HGS: variants seen among roughly 807,000 people sequenced by gnomAD.
HGS encodes the protein human growth factor-regulated tyrosine kinase substrate.
Under a neutral mutation model 109.7 loss-of-function variants are expected in HGS, and 63 were observed. That is an observed-to-expected ratio of 0.57 (90% CI 0.47 to 0.71). HGS has a LOEUF of 0.71. HGS is among the 30% of genes least tolerant of loss of function. The pLI is 0.00. For missense variants in HGS, 995 were observed against 1,068.3 expected, an observed-to-expected ratio of 0.93 and a Z score of 0.96; for synonymous variants, 546 against 437.3, an observed-to-expected ratio of 1.25 and a Z score of -3.10.
Position 81,701,032 on chromosome 17 carries a change from C to T in HGS, c.2137-13C>T, listed in dbSNP as rs759221006. On this transcript the variant is annotated splice_polypyrimidine_tract_variant and intron_variant, in intron 20 of 21. Transcript: ENST00000329138. ...AGGGCTACTCTCTCACATCTGACGT[C>T]TTCTCACAACAGAATCTCATGACCA... 2.7e-5 allele frequency: 43 copies of T among 1,611,550 alleles called. No individual in the cohort carries two copies. In the Middle Eastern group the frequency reaches 6.6e-4, roughly 25 times the overall value.
intron 14 of HGS, 68 bp downstream of exon 14, chr17:81,695,291 G>GT: frequency 4.6e-6 from 7 of 1,529,014 alleles, no homozygotes; most frequent in Non-Finnish European, 6.3e-6. Flanking sequence ...CCAGGCACAT[G>GT]GCACAGGTGC....
Position 81,700,729 on chromosome 17 carries a change from C to A in HGS, c.2051C>A (p.Ala684Asp). 1.2e-6 allele frequency: 2 copies of A among 1,612,440 alleles called. No homozygotes were observed. Among genetic ancestry groups the A allele is most frequent in the Non-Finnish European group, 1.7e-6 (2 of 1,179,794 alleles). ...VASQAPQSLP[A>D]ISQPPQSSTM... ...TCCCAGGCCCCACAGAGCCTCCCGG[C>A]CATCTCTCAGCCTCCGCAGTCCAGC... The change falls in exon 20 of 22, where the codon GCC becomes GAC. Residue 684 changes from alanine (A) to aspartate (D), a missense_variant. Transcript: ENST00000329138.
Position 81,693,656 on chromosome 17 carries a change from GC to G in HGS, c.750del (p.Lys251ArgfsTer30), listed in dbSNP as rs1568215963. 2 of 1,548,044 alleles carry G rather than the reference GC, an allele frequency of 1.3e-6. No individual in the cohort carries two copies. The highest frequency in any genetic ancestry group is 1.7e-6 in the Non-Finnish European group (2 of 1,143,892). ...TSPLSQQSQL[P>X]PKRDETALQE... ...TCACCCTCCCCGCTTGTCCTCAGCTGCCCCCCAAGAGGGACGAGACGGCCCT... is the reference window on the plus strand; with the variant it reads ...TCACCCTCCCCGCTTGTCCTCAGCTGCCCCCAAGAGGGACGAGACGGCCCT... On this transcript the variant is annotated frameshift_variant, in exon 10 of 22. Transcript: ENST00000329138. LOFTEE classifies it high-confidence loss of function.
In HGS at chr17:81,688,686, C is replaced by A; in HGVS notation, c.292-18C>A. 3 of 1,613,062 alleles carry A rather than the reference C, an allele frequency of 1.9e-6. No homozygotes were observed. The highest frequency in any genetic ancestry group is 2.5e-6 in the Non-Finnish European group (3 of 1,179,586). On this transcript the variant is annotated intron_variant, in intron 4 of 21. Transcript: ENST00000329138. Reference sequence around the variant, plus strand: ...CTGGAGTGTCCTGCGACCCTCACCCCCTTCTCCCTGCCTGCAGAGACAAGT... The same window carrying A: ...CTGGAGTGTCCTGCGACCCTCACCCACTTCTCCCTGCCTGCAGAGACAAGT...
rs1240623398 is a variant in HGS at position 81,684,085 on chromosome 17, A to G, written c.19A>G (p.Thr7Ala). Residue 7 changes from threonine (T) to alanine (A), a missense_variant, in exon 1 of 22, where the codon ACC becomes GCC. Thr to Ala is a moderately conservative substitution (Grantham distance 58). Coordinates refer to ENST00000329138, the MANE Select transcript of HGS (RefSeq NM_004712.5). ...GGTCGCCATGGGGCGAGGCAGCGGC[A>G]CCTTCGAGCGTCTCCTAGGTAACGC... Reference protein sequence around the residue: MGRGSGTFERLLDKATS... With the variant: MGRGSGAFERLLDKATS... The G allele has an allele frequency of 6.3e-7, 1 of 1,593,170 alleles. No homozygotes were observed. Among genetic ancestry groups the G allele is most frequent in the Non-Finnish European group, 8.5e-7 (1 of 1,172,146 alleles).
In HGS at chr17:81,701,523, G is replaced by A. The variant is rs867053056; in HGVS notation, c.2239G>A (p.Gly747Ser). ...PMYQQMAPSG[G>S]PPQQQPPVAQ... ...TCCTGCACAGATGGCACCCTCTGGC[G>A]GTCCCCCCCAGCAGCAGCCCCCCGT... The change falls in exon 22 of 22, where the codon GGT becomes AGT. Residue 747 changes from glycine (G) to serine (S), a missense_variant. By Grantham distance (56) the Gly-to-Ser change is moderately conservative (BLOSUM62 0). This residue lies in a region of HGS where 326 missense variants were observed against 309.7 expected (regional missense o/e 1.05). Transcript: ENST00000329138. 16 of 1,559,790 alleles carry A rather than the reference G, an allele frequency of 1.0e-5. No homozygotes were observed. The highest frequency in any genetic ancestry group is 4.1e-5 in the African/African-American group (3 of 73,742).
Position 81,696,387 on chromosome 17 carries a change from C to T in HGS, c.1424C>T (p.Ala475Val), listed in dbSNP as rs745627969. 1 of 1,589,010 alleles carries T rather than the reference C, an allele frequency of 6.3e-7. No individual in the cohort carries two copies. The highest frequency in any genetic ancestry group is 8.5e-7 in the Non-Finnish European group (1 of 1,170,196). ...LYYEGLQDKL[A>V]QIRDARGALS... ...TATGAGGGGCTGCAGGACAAGCTGG[C>T]ACAGATCCGCGATGCCCGGGGGGCG... The change falls in exon 16 of 22, where the codon GCA becomes GTA. Residue 475 changes from alanine to valine, a missense_variant. Coordinates refer to ENST00000329138, the MANE Select transcript of HGS (RefSeq NM_004712.5).
At chr17:81,684,802 T>C (rs1002393038) in intron 1 of HGS, 2 of 666,032 alleles carry the variant, frequency 3.0e-6, no homozygotes, top group Non-Finnish European at 1.9e-6. Flanking sequence ...GCTTGCCTTT[T>C]TGTCAAGTAG....
In HGS at chr17:81,691,232, C is replaced by T. The variant is rs938765218; in HGVS notation, c.538-215C>T. On this transcript the variant is annotated intron_variant, in intron 7 of 21. Transcript: ENST00000329138. The surrounding 1 kb of genome is among the most constrained non-coding windows in gnomAD (Gnocchi z 5.3). Reference sequence around the variant, plus strand: ...TTCCTTGCCCTTACTTTTAACTTACCTTATTTTCCCCAAAACGGTGGCTGG... The same window carrying T: ...TTCCTTGCCCTTACTTTTAACTTACTTTATTTTCCCCAAAACGGTGGCTGG... The T allele has an allele frequency of 1.7e-5, 10 of 575,564 alleles. No individual in the cohort carries two copies. Among genetic ancestry groups the T allele is most frequent in the Admixed American group, 1.5e-4 (5 of 33,182 alleles). 35.7% of individuals were successfully genotyped at this position (575,564 alleles called of 1,614,324 possible). A position where few individuals can be genotyped will look rare whatever the true frequency, so the allele number is the denominator to read the frequency against.
At chr17:81,695,431 C>T (rs890890556) in intron 14 of HGS, among the ~76,000 whole-genome samples, 1 of 152,262 alleles carries the variant, frequency 6.6e-6, no homozygotes, top group African/African-American at 2.4e-5. Context: ...GAGCTCGGGC[C>T]ACTCTCTGTG....
intron 18 of HGS, chr17:81,697,645 A>G (rs536512754): frequency 6.6e-6 from 1 of 152,238 alleles, no homozygotes; most frequent in South Asian, 2.1e-4. Flanking sequence ...GAGGCCTTCC[A>G]AATACCCTGG....
chr17:81,696,295 C>T lies in HGS; in HGVS notation c.1394-62C>T, dbSNP rs1407308521. ...GGGCGGCCCATCTGCGTGTCCGTTC[C>T]ACCCAGGAGCTTCTCGGCACTGTGC... On this transcript the variant is annotated intron_variant, in intron 15 of 21. Transcript: ENST00000329138. The T allele has an allele frequency of 2.7e-6, 4 of 1,465,140 alleles. No homozygotes were observed. In the Admixed American group the frequency reaches 8.2e-5, roughly 30 times the overall value. 90.8% of individuals were successfully genotyped at this position (1,465,140 alleles called of 1,614,324 possible). A position where few individuals can be genotyped will look rare whatever the true frequency, so the allele number is the denominator to read the frequency against.
intron 11 of HGS, 87 bp downstream of exon 11, chr17:81,694,052 TTGG>T: frequency 8.3e-7 from 1 of 1,204,360 alleles, no homozygotes; most frequent in Non-Finnish European, 1.1e-6. Flanking sequence ...TTTAGTCAGG[TTGG>T]TGGGGGATGC....
chr17:81,700,545 CCA>C lies in HGS; in HGVS notation c.1963_1964del (p.Thr655ArgfsTer185). On this transcript the variant is annotated frameshift_variant, in exon 19 of 22. Coordinates refer to ENST00000329138, the MANE Select transcript of HGS (RefSeq NM_004712.5). LOFTEE classifies it high-confidence loss of function. ...GCGGCCCCCCAGGCCCAGGCCGGAC[CCA>C]CCGCCAGCCCCGCTTACTCATCCTA... The C allele has an allele frequency of 1.2e-6, 2 of 1,610,866 alleles. No individual in the cohort carries two copies. Among genetic ancestry groups the C allele is most frequent in the Non-Finnish European group, 1.7e-6 (2 of 1,178,558 alleles).
In HGS at chr17:81,691,626, T is replaced by A; in HGVS notation, c.662+55T>A. On this transcript the variant is annotated intron_variant, in intron 8 of 21. Coordinates refer to ENST00000329138, the MANE Select transcript of HGS (RefSeq NM_004712.5). The surrounding 1 kb of genome is among the most constrained non-coding windows in gnomAD (Gnocchi z 5.3). ...GGTGGGGCAGGCTCTCCAGGCTGGG[T>A]TTTCTGTCCCTCTTGGCCATGGTGC... 2 of 1,609,434 alleles carry A rather than the reference T, an allele frequency of 1.2e-6. No homozygotes were observed. Among genetic ancestry groups the A allele is most frequent in the South Asian group, 1.1e-5 (1 of 90,938 alleles).
chr17:81,698,429 T>C (rs2037187066), intron 18 of HGS: 1 of 152,326 alleles, frequency 6.6e-6, no homozygotes, highest in South Asian at 2.1e-4. Flanking sequence ...CCAGCCCCGT[T>C]ACTTTGATGC....
At position 81,688,770 on chromosome 17, in the gene HGS, C is replaced by T. The variant is rs1257800831; in HGVS notation, c.358C>T (p.Arg120Trp). Residue 120 changes from arginine to tryptophan, a missense_variant, in exon 5 of 22, where the codon CGG becomes TGG. Arg to Trp is a moderately radical substitution (Grantham distance 101). Coordinates refer to ENST00000329138, the MANE Select transcript of HGS (RefSeq NM_004712.5). ...GATCCAGGCCTGGGCGCATGCCTTCCGGAACGAGCCCAAGTACAAGGTGGT... is the reference window on the plus strand; with the variant it reads ...GATCCAGGCCTGGGCGCATGCCTTCTGGAACGAGCCCAAGTACAAGGTGGT... ...YLIQAWAHAFRNEPKYKVVQD... is the reference protein window; with the variant it reads ...YLIQAWAHAFWNEPKYKVVQD... 3 of 1,614,100 alleles carry T rather than the reference C, an allele frequency of 1.9e-6. No individual in the cohort carries two copies. The highest frequency in any genetic ancestry group is 2.2e-5 in the East Asian group (1 of 44,884).
rs956000548 is a variant in HGS at position 81,700,708 on chromosome 17, A to G, written c.2030A>G (p.Gln677Arg). 20 of 1,538,770 alleles carry G rather than the reference A, an allele frequency of 1.3e-5. No individual in the cohort carries two copies. Among genetic ancestry groups the G allele is most frequent in the Non-Finnish European group, 1.8e-5 (20 of 1,139,940 alleles). ...PTAGYQNVAS[Q>R]APQSLPAISQ... The stretch of plus-strand genomic sequence containing the variant: ...TTCCCTCCGCAGAACGTGGCCTCCC[A>G]GGCCCCACAGAGCCTCCCGGCCATC... Residue 677 changes from glutamine to arginine, a missense_variant, in exon 20 of 22, where the codon CAG (glutamine) becomes CGG (arginine). By Grantham distance (43) the Gln-to-Arg change is conservative. Around this residue, in one of 6 missense-constraint regions of HGS, gnomAD observed 326 missense variants for 309.7 expected, o/e 1.05. Transcript: ENST00000329138.
In HGS at chr17:81,700,564, C is replaced by T. The variant is rs751217699; in HGVS notation, c.1980C>T (p.Tyr660=). ...CCGGACCCACCGCCAGCCCCGCTTA[C>T]TCATCCTACCAGCCTACTCCCACAG... is the stretch of plus-strand genomic sequence containing the variant. ...AQAGPTASPA[Y]SSYQPTPTAG... Residue 660 remains tyrosine, a synonymous_variant, in exon 19 of 22, where the codon TAC becomes TAT. Transcript: ENST00000329138. 1 of 1,610,610 alleles carries T rather than the reference C, an allele frequency of 6.2e-7. No individual in the cohort carries two copies. Among genetic ancestry groups the T allele is most frequent in the South Asian group, 1.1e-5 (1 of 90,730 alleles).
Sources: gnomAD v4.1 joint callset for allele counts (sites outside exome capture counted in the v4.1 genomes callset) on GRCh38, gnomAD v4.1.1 for gene constraint, gnomAD v4.1.1 regional missense constraint, Gnocchi (gnomAD v3.1) non-coding constraint, MANE v1.5 for transcripts, NCBI Gene and HGNC (gene_info 2026-07-23, HGNC 2026-07-21) for gene names.